The following AKAP13 variants were observed in gnomAD, a reference collection of about 807,000 sequenced individuals.
AKAP13 encodes the protein A-kinase anchor protein 13.
Under a neutral mutation model 264.5 loss-of-function variants are expected in AKAP13, and 80 were observed. That is an observed-to-expected ratio of 0.30 (90% confidence interval 0.25 to 0.36). The LOEUF (loss-of-function observed/expected upper bound fraction) is 0.36, where lower values mean the gene tolerates loss of function less well. Ranked by LOEUF, AKAP13 falls within the 10% of genes least tolerant of loss-of-function variation. The probability of loss-of-function intolerance (pLI) is 1.00; values close to 1 mark genes in which losing one functional copy is unlikely to be tolerated. For synonymous variants in AKAP13, 1,380 were observed against 1,250.2 expected, an observed-to-expected ratio of 1.10 and a Z score of -2.19; for missense variants, 3,712 against 3,435.2, an observed-to-expected ratio of 1.08 and a Z score of -2.01.
At chr15:85,623,486 G>A (rs964739235) in intron 8 of AKAP13, among the ~76,000 whole-genome samples, 1 of 152,046 alleles carries the variant, frequency 6.6e-6, no homozygotes, top group Non-Finnish European at 1.5e-5. Flanking sequence ...ATATACCCAC[G>A]CTTTATTTGG....
Position 85,746,038 on chromosome 15 carries a change from A to C in AKAP13, c.*1361A>C, listed in dbSNP as rs1335651936. 1 of 152,232 alleles carries C rather than the reference A, an allele frequency of 6.6e-6. No individual in the cohort carries two copies. 9.4% of individuals were successfully genotyped at this position (152,232 alleles called of 1,614,324 possible). On this transcript the variant is annotated 3_prime_UTR_variant, in exon 37 of 37. Transcript: ENST00000394518. Reference sequence around the variant, plus strand: ...TGGTGTGTGCAGGACAGTTCATGGTAATGTTGCCCTCTGAGGCCCCGTACA... The same window carrying C: ...TGGTGTGTGCAGGACAGTTCATGGTCATGTTGCCCTCTGAGGCCCCGTACA...
intron 14 of AKAP13, among the ~76,000 whole-genome samples, chr15:85,674,942 G>A (rs1363085078): frequency 6.6e-6 from 1 of 151,996 alleles, no homozygotes; most frequent in Non-Finnish European, 1.5e-5. Flanking sequence ...AATGTAATCA[G>A]ACTTCTTTTT....
rs149536959 is a variant in AKAP13, at chr15:85,669,054, G to C, written c.4993-668G>C. On this transcript the variant is annotated intron_variant, in intron 13 of 36. Transcript: ENST00000394518. Reference sequence around the variant, plus strand: ...AGTTCGAGACCTGCCTGACCAACATGGTGATACCCCATCTCTACTAAAAAT... The same window carrying C: ...AGTTCGAGACCTGCCTGACCAACATCGTGATACCCCATCTCTACTAAAAAT... Among the ~76,000 whole-genome samples, 7 of 151,976 alleles carry C rather than the reference G, an allele frequency of 4.6e-5. No homozygotes were observed. In the East Asian group the frequency reaches 1.2e-3, roughly 25 times the overall value.
chr15:85,531,461 G>C (rs182546142), intron 3 of AKAP13, among the ~76,000 whole-genome samples: 139 of 152,302 alleles, frequency 9.1e-4, no homozygotes, highest in African/African-American at 3.2e-3. Flanking sequence ...AACTGAGTCA[G>C]ATGTTAGAGA....
intron 2 of AKAP13, among the ~76,000 whole-genome samples, chr15:85,486,959 C>T (rs369670693): frequency 1.3e-5 from 2 of 151,974 alleles, no homozygotes; most frequent in South Asian, 2.1e-4. Context: ...AGGGTGGTCT[C>T]GAACTCCTCA....
chr15:85,679,719 T>G (rs1474776018), intron 14 of AKAP13, among the ~76,000 whole-genome samples: 1 of 152,208 alleles, frequency 6.6e-6, no homozygotes, highest in Non-Finnish European at 1.5e-5. Context: ...GTAGTATAAA[T>G]CTGCAGGTTA....
chr15:85,721,250 T>C (rs1312138035), intron 23 of AKAP13, among the ~76,000 whole-genome samples: 1 of 152,212 alleles, frequency 6.6e-6, no homozygotes, highest in African/African-American at 2.4e-5. Context: ...ATTTGCTTTG[T>C]CATATGAGCA....
intron 5 of AKAP13, among the ~76,000 whole-genome samples, chr15:85,556,255 C>G (rs1432408937): frequency 6.6e-6 from 1 of 152,174 alleles, no homozygotes. Flanking sequence ...TTTATTATCG[C>G]TATCAAATAT....
intron 35 of AKAP13, among the ~76,000 whole-genome samples, chr15:85,742,985 G>A (rs1157988933): frequency 6.6e-6 from 1 of 152,100 alleles, no homozygotes. Context: ...GGGTTCCCAG[G>A]CAGCTAAGAG....
At chr15:85,398,391 T>C (rs1310147446) in intron 1 of AKAP13, among the ~76,000 whole-genome samples, 1 of 152,000 alleles carries the variant, frequency 6.6e-6, no homozygotes, top group Non-Finnish European at 1.5e-5. Context: ...CTAGAGAAAA[T>C]TGTTGGGTAT....
intron 1 of AKAP13, among the ~76,000 whole-genome samples, chr15:85,442,699 C>G (rs1300184239): frequency 1.3e-5 from 2 of 151,322 alleles, no homozygotes; most frequent in African/African-American, 4.9e-5. Context: ...CTTTCTTCCC[C>G]TATCATTGCC....
At chr15:85,509,319 TAGTG>T (rs1418912708) in intron 2 of AKAP13, among the ~76,000 whole-genome samples, 1 of 152,158 alleles carries the variant, frequency 6.6e-6, no homozygotes, top group Non-Finnish European at 1.5e-5. Flanking sequence ...ATTTAAGAAA[TAGTG>T]AGTGCTAAAT....
intron 3 of AKAP13, among the ~76,000 whole-genome samples, 200 bp downstream of exon 3, chr15:85,521,775 A>G (rs2076831892): frequency 1.3e-5 from 2 of 152,200 alleles, no homozygotes; most frequent in East Asian, 1.9e-4. Context: ...CATTTTATGT[A>G]TATTACTGTT....
chr15:85,401,929 A>C (rs2071437865), intron 1 of AKAP13, among the ~76,000 whole-genome samples: 1 of 152,244 alleles, frequency 6.6e-6, no homozygotes, highest in South Asian at 2.1e-4. Context: ...ACTGGTAGAA[A>C]TGTAAAGGAT....
intron 16 of AKAP13, among the ~76,000 whole-genome samples, chr15:85,686,068 C>G (rs1226133932): frequency 6.6e-6 from 1 of 151,972 alleles, no homozygotes; most frequent in East Asian, 1.9e-4. Context: ...TTCATCTACC[C>G]ACAACACCCT....
At chr15:85,650,324 G>T (rs2082744209) in intron 10 of AKAP13, among the ~76,000 whole-genome samples, 1 of 151,952 alleles carries the variant, frequency 6.6e-6, no homozygotes, top group African/African-American at 2.4e-5. Context: ...CCAGCTACTT[G>T]GGAGGCAGAG....
chr15:85,625,677 C>T (rs979658425), intron 8 of AKAP13, among the ~76,000 whole-genome samples: 10 of 152,112 alleles, frequency 6.6e-5, no homozygotes, highest in African/African-American at 2.4e-4. Context: ...GCCTGAGCAT[C>T]CTAGCAAGAC....
chr15:85,727,331 T>A lies in AKAP13; in HGVS notation c.7005-50T>A. On this transcript the variant is annotated intron_variant, in intron 28 of 36. Transcript: ENST00000394518. The surrounding 1 kb of genome is among the most constrained non-coding windows in gnomAD (Gnocchi z 5.3). Reference sequence around the variant, plus strand: ...ATAACAGGCTGGACTGTGACCAGAGTAATTGACATCTTAGGAATTTTTTGT... The same window carrying A: ...ATAACAGGCTGGACTGTGACCAGAGAAATTGACATCTTAGGAATTTTTTGT... 6.2e-7 allele frequency: 1 copy of A among 1,613,332 alleles called. No individual in the cohort carries two copies. Among genetic ancestry groups the A allele is most frequent in the Non-Finnish European group, 8.5e-7 (1 of 1,179,556 alleles).
chr15:85,588,866 C>T (rs1447890274), intron 8 of AKAP13, among the ~76,000 whole-genome samples: 1 of 152,144 alleles, frequency 6.6e-6, no homozygotes, highest in East Asian at 1.9e-4. Context: ...AACCTGGGCT[C>T]TGATTGGTAA....
Sources: allele counts gnomAD v4.1 joint callset (sites outside exome capture counted in the v4.1 genomes callset), GRCh38; gene constraint gnomAD v4.1.1; non-coding constraint Gnocchi (gnomAD v3.1); transcripts MANE v1.5; gene names NCBI Gene and HGNC (gene_info 2026-07-23, HGNC 2026-07-21).